The following DNAH2 variants were observed in gnomAD, a reference collection of about 807,000 sequenced individuals.
DNAH2 encodes axonemal beta dynein heavy chain 2.
A neutral mutation model predicts 523.5 loss-of-function variants in DNAH2; 323 were observed. The observed-to-expected ratio is 0.62, with a 90% confidence interval of 0.56 to 0.68. The LOEUF is 0.68. DNAH2 is among the 30% of genes least tolerant of loss of function. The pLI, the probability that DNAH2 is intolerant of heterozygous loss-of-function variation, is 0.00. For missense variants in DNAH2, 4,907 were observed against 5,701.5 expected (o/e 0.86, Z 4.49); for synonymous variants, 2,093 against 2,177.4 (o/e 0.96, Z 1.08).
chr17:7,818,480 C>G lies in DNAH2; in HGVS notation c.10536+20C>G. ...GAACAGGTGGGTACAGGCTGAGGTCCAGACTGAGCTAGGGTGAAGCAGGAA... is the reference window on the plus strand; with the variant it reads ...GAACAGGTGGGTACAGGCTGAGGTCGAGACTGAGCTAGGGTGAAGCAGGAA... On this transcript the variant is annotated intron_variant, in intron 69 of 85. Coordinates refer to ENST00000572933, the MANE Select transcript of DNAH2 (RefSeq NM_020877.5). The G allele has an allele frequency of 6.2e-7, 1 of 1,613,606 alleles. No individual in the cohort carries two copies. The highest frequency in any genetic ancestry group is 8.5e-7 in the Non-Finnish European group (1 of 1,179,722).
In DNAH2 at chr17:7,807,623, C is replaced by A; in HGVS notation, c.9729+37C>A. On this transcript the variant is annotated intron_variant, in intron 63 of 85. Coordinates refer to ENST00000572933, the MANE Select transcript of DNAH2 (RefSeq NM_020877.5). The surrounding 1 kb of genome is among the most constrained non-coding windows in gnomAD (Gnocchi z 5.6). ...GCCTGTCCTTTCCACGGAGGTCCCTCTCCCTGAGTTCTGGATTGCTTCATT... is the reference window on the plus strand; with the variant it reads ...GCCTGTCCTTTCCACGGAGGTCCCTATCCCTGAGTTCTGGATTGCTTCATT... 4 of 1,566,188 alleles carry A rather than the reference C, an allele frequency of 2.6e-6. No individual in the cohort carries two copies. The South Asian group carries it at 4.4e-5, about 17-fold the overall frequency.
chr17:7,722,534 G>A (rs373807282), intron 2 of DNAH2, among the ~76,000 whole-genome samples: 2 of 152,098 alleles, frequency 1.3e-5, no homozygotes, highest in East Asian at 3.8e-4. Flanking sequence ...TCAGAGCCTC[G>A]TCTTTTAGCA....
rs1166023571 is a variant in DNAH2 at position 7,832,780 on chromosome 17, G to C, written c.12903+25G>C. The C allele has an allele frequency of 7.4e-6, 12 of 1,614,120 alleles. No individual in the cohort carries two copies. The East Asian group carries it at 2.5e-4, about 33-fold the overall frequency. On this transcript the variant is annotated intron_variant, in intron 83 of 85. Transcript: ENST00000572933. This position sits in a 1 kb window ranked among gnomAD's most constrained non-coding sequence, Gnocchi z 4.3. ...CGTGAGCAATGTGCAAAGTGTGAGG[G>C]GGGGATGTATGCTGGGGCCATGTAT... is the stretch of plus-strand genomic sequence containing the variant.
chr17:7,796,764 A>G (rs2077075431), intron 50 of DNAH2, 112 bp downstream of exon 50: 1 of 1,182,462 alleles, frequency 8.5e-7, no homozygotes, highest in Admixed American at 2.7e-5. Flanking sequence ...AGTCACCCCC[A>G]TGCTGAAGTG....
rs572121123 is a variant in DNAH2, at chr17:7,814,742, C to T, written c.9730-1829C>T. On this transcript the variant is annotated intron_variant, in intron 63 of 85. Coordinates refer to ENST00000572933, the MANE Select transcript of DNAH2 (RefSeq NM_020877.5). ...GTGCATGCCTGTAATTCCAGCTACT[C>T]GGGAGGCTGAGGCAGGAGAATCGCT... is the stretch of plus-strand genomic sequence containing the variant. Among the ~76,000 whole-genome samples, 766 of 152,088 alleles carry T rather than the reference C, an allele frequency of 5.0e-3. 4 individuals are homozygous for T. Among genetic ancestry groups the T allele is most frequent in the Middle Eastern group, 0.024 (7 of 292 alleles).
chr17:7,778,600 T>TTATTTATC, intron 35 of DNAH2, 131 bp downstream of exon 35: 1 of 894,780 alleles, frequency 1.1e-6, no homozygotes, highest in Non-Finnish European at 1.6e-6. Context: ...TCTTATTTAT[T>TTATTTATC]TATTTATTTA....
Position 7,786,251 on chromosome 17 carries a change from CGGGCAGCGGCAA to C in DNAH2, c.6259_6270del (p.Gly2087_Lys2090del). ...CACTCCACCATGATCGTGGGCTGCA[CGGGCAGCGGCAA>C]GACTGCCTCATGGCGCATTCTACAG... On this transcript the variant is annotated inframe_deletion, in exon 40 of 86. Transcript: ENST00000572933. This position sits in a 1 kb window ranked among gnomAD's most constrained non-coding sequence, Gnocchi z 7.5. 6.2e-7 allele frequency: 1 copy of C among 1,614,068 alleles called. No individual in the cohort carries two copies. The highest frequency in any genetic ancestry group is 8.5e-7 in the Non-Finnish European group (1 of 1,180,016).
rs2077328119 is a variant in DNAH2 at position 7,804,952 on chromosome 17, C to T, written c.9184-6C>T. On this transcript the variant is annotated splice_polypyrimidine_tract_variant and splice_region_variant and intron_variant, in intron 59 of 85. Transcript: ENST00000572933. ...CAAAAAACCCTTGTCCTTTTTTCAT[C>T]CCTAGGCCGTAACAGCCAACAGTGA... 1.2e-6 allele frequency: 2 copies of T among 1,612,632 alleles called. No homozygotes were observed. Among genetic ancestry groups the T allele is most frequent in the East Asian group, 2.2e-5 (1 of 44,884 alleles).
rs754063648 is a variant in DNAH2 at position 7,786,243 on chromosome 17, G to C, written c.6249G>C (p.Val2083=). 1 of 1,613,904 alleles carries C rather than the reference G, an allele frequency of 6.2e-7. No individual in the cohort carries two copies. The highest frequency in any genetic ancestry group is 8.5e-7 in the Non-Finnish European group (1 of 1,180,006). Residue 2083 remains valine (V), a synonymous_variant, in exon 40 of 86, where the codon GTG becomes GTC. Coordinates refer to ENST00000572933, the MANE Select transcript of DNAH2 (RefSeq NM_020877.5). This position sits in a 1 kb window ranked among gnomAD's most constrained non-coding sequence, Gnocchi z 7.5. The part of the protein sequence containing the change: ...TKNSRHSTMI[V]GCTGSGKTAS... ...ACTCCCGCCACTCCACCATGATCGT[G>C]GGCTGCACGGGCAGCGGCAAGACTG...
At chr17:7,804,205 C>A in intron 58 of DNAH2, 51 bp from the exon 59 acceptor site, 1 of 1,592,838 alleles carries the variant, frequency 6.3e-7, no homozygotes, top group Non-Finnish European at 8.6e-7. Flanking sequence ...CAGGACACCG[C>A]GCTTTCCGGA....
chr17:7,783,028 C>A (rs2076642548), intron 39 of DNAH2, among the ~76,000 whole-genome samples: 1 of 152,168 alleles, frequency 6.6e-6, no homozygotes, highest in East Asian at 1.9e-4. Context: ...AGAAGCCAAT[C>A]CAGACTGGAG....
In DNAH2 at chr17:7,798,744, C is replaced by A; in HGVS notation, c.8559+26C>A. 6.2e-7 allele frequency: 1 copy of A among 1,601,048 alleles called. No individual in the cohort carries two copies. The highest frequency in any genetic ancestry group is 8.5e-7 in the Non-Finnish European group (1 of 1,174,424). ...GTAGGATTCCTTCCACACCCTTGAC[C>A]AGTCAGTTCTTTGGCCTGCCTAGCT... On this transcript the variant is annotated intron_variant, in intron 55 of 85. Transcript: ENST00000572933. This position sits in a 1 kb window ranked among gnomAD's most constrained non-coding sequence, Gnocchi z 5.5.
chr17:7,726,460 C>T (rs1017297343), intron 3 of DNAH2, among the ~76,000 whole-genome samples: 6 of 151,622 alleles, frequency 4.0e-5, no homozygotes, highest in Non-Finnish European at 7.4e-5. Flanking sequence ...TGCACCACCA[C>T]GCCCGGCTAA....
intron 11 of DNAH2, among the ~76,000 whole-genome samples, chr17:7,741,606 C>G (rs1320040655): frequency 6.6e-6 from 1 of 151,944 alleles, no homozygotes; most frequent in Non-Finnish European, 1.5e-5. Context: ...GATCCACCCA[C>G]CTGGGCCTCC....
chr17:7,830,621 C>T, intron 78 of DNAH2, 37 bp from the exon 79 acceptor site: 1 of 1,611,768 alleles, frequency 6.2e-7, no homozygotes, highest in Non-Finnish European at 8.5e-7. Flanking sequence ...CCTGCCATAA[C>T]TCTGGGAATG....
At position 7,799,088 on chromosome 17, in the gene DNAH2, G is replaced by GT; in HGVS notation, c.8560-14dup. The stretch of plus-strand genomic sequence containing the variant: ...GGACACGCCAGCCCTCTGACCCTGG[G>GT]TGGCTTCTGTCCAGATCCAGTCGCA... On this transcript the variant is annotated splice_polypyrimidine_tract_variant and intron_variant, in intron 55 of 85. Transcript: ENST00000572933. The GT allele has an allele frequency of 1.9e-6, 3 of 1,613,588 alleles. No homozygotes were observed. The highest frequency in any genetic ancestry group is 2.5e-6 in the Non-Finnish European group (3 of 1,179,668).
At position 7,798,961 on chromosome 17, in the gene DNAH2, G is replaced by A. The variant is rs1435672070; in HGVS notation, c.8560-142G>A. 4 of 1,236,410 alleles carry A rather than the reference G, an allele frequency of 3.2e-6. No individual in the cohort carries two copies. The highest frequency in any genetic ancestry group is 4.5e-6 in the Non-Finnish European group (4 of 897,576). The allele number at this position is 1,236,410 out of a possible 1,614,324, so 76.6% of individuals were successfully genotyped here. Reference sequence around the variant, plus strand: ...TAGTTCCAGCTACTCGGGGGTGGGGGGTGCTGAAGTGGGAGGATGGTTTGA... The same window carrying A: ...TAGTTCCAGCTACTCGGGGGTGGGGAGTGCTGAAGTGGGAGGATGGTTTGA... On this transcript the variant is annotated intron_variant, in intron 55 of 85. Transcript: ENST00000572933. The surrounding 1 kb of genome is among the most constrained non-coding windows in gnomAD (Gnocchi z 5.5).
rs1378189132 is a variant in DNAH2 at position 7,780,463 on chromosome 17, C to G, written c.5851-167C>G. Among the ~76,000 whole-genome samples, 2 of 152,232 alleles carry G rather than the reference C, an allele frequency of 1.3e-5. No individual in the cohort carries two copies. Among genetic ancestry groups the G allele is most frequent in the African/African-American group, 4.8e-5 (2 of 41,462 alleles). On this transcript the variant is annotated intron_variant, in intron 37 of 85. Transcript: ENST00000572933. The surrounding 1 kb of genome is among the most constrained non-coding windows in gnomAD (Gnocchi z 4.4). ...GGGAGGTGTCTCCTCCGTGATATCA[C>G]TAACTGACAATGGCGTCATTCACAC...
chr17:7,822,372 A>G (rs1169338817), intron 73 of DNAH2, among the ~76,000 whole-genome samples: 1 of 152,006 alleles, frequency 6.6e-6, no homozygotes, highest in Non-Finnish European at 1.5e-5. Flanking sequence ...CGCAGGCCTC[A>G]TTGCCCTCCC....
Sources: gnomAD v4.1 joint callset for allele counts (sites outside exome capture counted in the v4.1 genomes callset) on GRCh38, gnomAD v4.1.1 for gene constraint, Gnocchi (gnomAD v3.1) non-coding constraint, MANE v1.5 for transcripts, NCBI Gene and HGNC (gene_info 2026-07-23, HGNC 2026-07-21) for gene names.